Variants in SP140L observed in about 807,000 individuals in gnomAD.
SP140L encodes nuclear body protein SP140-like protein.
In SP140L, 64 loss-of-function variants were observed where a neutral mutation model predicts 84.3. The observed-to-expected ratio is 0.76, with a 90% CI of 0.62 to 0.94. SP140L has a LOEUF of 0.94. Ranked by LOEUF, SP140L falls within the 40% of genes least tolerant of loss-of-function variation. The pLI, the probability that SP140L is intolerant of heterozygous loss-of-function variation, is 0.00. For missense variants in SP140L, 628 were observed against 692.5 expected (o/e 0.91, Z 1.05); for synonymous variants, 242 against 236.9 (o/e 1.02, Z -0.20).
intron 2 of SP140L, among the ~76,000 whole-genome samples, chr2:230,335,378 T>G (rs890486936): frequency 6.6e-6 from 1 of 152,228 alleles, no homozygotes; most frequent in African/African-American, 2.4e-5. Context: ...CGTTTGGCCT[T>G]TATAATGTAC....
At chr2:230,349,461 G>C (rs1217572589) in intron 2 of SP140L, among the ~76,000 whole-genome samples, 1 of 152,102 alleles carries the variant, frequency 6.6e-6, no homozygotes, top group African/African-American at 2.4e-5. Context: ...GGAGAGAATT[G>C]CCAGGTTAAA....
At chr2:230,380,682 A>T (rs113202463) in intron 7 of SP140L, among the ~76,000 whole-genome samples, 1 of 152,146 alleles carries the variant, frequency 6.6e-6, no homozygotes, top group Admixed American at 6.5e-5. Flanking sequence ...TTGTTTTTCC[A>T]TGATAACTTA....
intron 2 of SP140L, among the ~76,000 whole-genome samples, chr2:230,335,999 T>C (rs1384160493): frequency 1.3e-5 from 2 of 152,198 alleles, no homozygotes; most frequent in African/African-American, 4.8e-5. Flanking sequence ...GAACCCAATA[T>C]GGCCAGGACT....
chr2:230,371,037 C>T (rs2061050543), intron 6 of SP140L, 70 bp downstream of exon 6: 1 of 1,337,410 alleles, frequency 7.5e-7, no homozygotes, highest in Non-Finnish European at 1.1e-6. Flanking sequence ...AGAGTGGAGG[C>T]AGGTGCTCCA....
intron 7 of SP140L, among the ~76,000 whole-genome samples, chr2:230,380,410 G>A (rs548539125): frequency 6.6e-6 from 1 of 152,240 alleles, no homozygotes; most frequent in East Asian, 1.9e-4. Flanking sequence ...ATAACTCATG[G>A]TCAAGTTTGA....
At position 230,374,893 on chromosome 2, in the gene SP140L, T is replaced by C. The variant is rs568272465; in HGVS notation, c.637+3242T>C. On this transcript the variant is annotated intron_variant, in intron 7 of 18. Transcript: ENST00000415673. ...CATATGCACTGGGAAACCAAAAAAATTGTGTCTTGCTTTATTGCAATATTC... is the reference window on the plus strand; with the variant it reads ...CATATGCACTGGGAAACCAAAAAAACTGTGTCTTGCTTTATTGCAATATTC... Among the ~76,000 whole-genome samples the C allele has an allele frequency of 2.2e-3, 338 of 152,294 alleles. 1 individual carries two copies. Among genetic ancestry groups the C allele is most frequent in the African/African-American group, 8.0e-3 (332 of 41,570 alleles).
Position 230,358,980 on chromosome 2 carries a change from G to A in SP140L, c.287G>A (p.Cys96Tyr). 3.2e-6 allele frequency: 5 copies of A among 1,585,390 alleles called. No homozygotes were observed. Among genetic ancestry groups the A allele is most frequent in the African/African-American group, 1.4e-5 (1 of 73,106 alleles). ...NKMFEDSEDS[C>Y]RNLVPVQRVV... ...TTTTTAAAGGATTCTGAAGATTCTT[G>A]TAGAAACCTGGTCCCTGTACAAAGA... Residue 96 changes from cysteine (C) to tyrosine (Y), a missense_variant, in exon 4 of 19, where the codon TGT (cysteine) becomes TAT (tyrosine). Transcript: ENST00000415673.
intron 10 of SP140L, among the ~76,000 whole-genome samples, chr2:230,389,321 G>A (rs1009037194): frequency 6.6e-6 from 1 of 152,012 alleles, no homozygotes; most frequent in Non-Finnish European, 1.5e-5. Flanking sequence ...GTAGTATCCG[G>A]TTCTCAGTTC....
intron 2 of SP140L, among the ~76,000 whole-genome samples, chr2:230,356,286 A>G (rs2060544557): frequency 6.6e-6 from 1 of 152,170 alleles, no homozygotes; most frequent in South Asian, 2.1e-4. Flanking sequence ...TTTTGCCACA[A>G]AAAGACTTGC....
chr2:230,398,944 C>T (rs2062183763), intron 14 of SP140L, among the ~76,000 whole-genome samples: 1 of 152,186 alleles, frequency 6.6e-6, no homozygotes, highest in South Asian at 2.1e-4. Context: ...GCAAGCGGTC[C>T]TCTTGATCAG....
At chr2:230,385,356 G>A in intron 9 of SP140L, 52 bp downstream of exon 9, 3 of 1,564,810 alleles carry the variant, frequency 1.9e-6, no homozygotes, top group East Asian at 2.2e-5. Context: ...CAATGCACAT[G>A]TTGAGGTTTT....
chr2:230,372,211 T>G (rs2061098766), intron 7 of SP140L: 4 of 154,438 alleles, frequency 2.6e-5, no homozygotes, highest in Admixed American at 2.6e-4. Context: ...CCACTAAATT[T>G]GTGGTAATTT....
In SP140L at chr2:230,348,883, G is replaced by T. The variant is rs148746096; in HGVS notation, c.108-8922G>T. Among the ~76,000 whole-genome samples, 676 of 152,360 alleles carry T rather than the reference G, an allele frequency of 4.4e-3. 4 individuals are homozygous for T. Among genetic ancestry groups the T allele is most frequent in the African/African-American group, 0.015 (622 of 41,592 alleles). ...ATTACTACATAATTTGGGGAACCCA[G>T]TGAAAAATAAAAATGGGGGATCCTT... On this transcript the variant is annotated intron_variant, in intron 2 of 18. Coordinates refer to ENST00000415673, the MANE Select transcript of SP140L (RefSeq NM_138402.6).
intron 9 of SP140L, among the ~76,000 whole-genome samples, chr2:230,387,254 C>T (rs186228179): frequency 6.6e-6 from 1 of 152,192 alleles, no homozygotes; most frequent in African/African-American, 2.4e-5. Flanking sequence ...CCTCCCTATA[C>T]AAGTTTATTA....
Position 230,328,822 on chromosome 2 carries a change from G to C in SP140L, c.98G>C (p.Ser33Thr). 6.2e-7 allele frequency: 1 copy of C among 1,607,824 alleles called. No homozygotes were observed. The highest frequency in any genetic ancestry group is 8.5e-7 in the Non-Finnish European group (1 of 1,176,586). Residue 33 changes from serine (S) to threonine (T), a missense_variant, in exon 2 of 19, where the codon AGT becomes ACT. Coordinates refer to ENST00000415673, the MANE Select transcript of SP140L (RefSeq NM_138402.6). ...EMNHLPAHSQ[S>T]LQRLFTEDQD... The stretch of plus-strand genomic sequence containing the variant: ...AACCATCTTCCTGCACACAGCCAAA[G>C]TCTGCAAAGGTGATGAAGAATTACA...
chr2:230,356,157 G>A (rs1224425093), intron 2 of SP140L, among the ~76,000 whole-genome samples: 1 of 152,082 alleles, frequency 6.6e-6, no homozygotes, highest in Non-Finnish European at 1.5e-5. Flanking sequence ...AAACTAGAAA[G>A]GCCATCACTG....
chr2:230,358,186 C>A (rs1022319965), intron 3 of SP140L, among the ~76,000 whole-genome samples: 4 of 152,212 alleles, frequency 2.6e-5, no homozygotes, highest in African/African-American at 9.6e-5. Flanking sequence ...CATAAATGTA[C>A]AATGTTTTGT....
intron 2 of SP140L, among the ~76,000 whole-genome samples, chr2:230,333,007 A>G (rs1175574062): frequency 1.3e-5 from 2 of 152,184 alleles, no homozygotes; most frequent in East Asian, 3.8e-4. Flanking sequence ...CATAGAAGGT[A>G]TATATCTTAA....
rs61737998 is a variant in SP140L at position 230,388,623 on chromosome 2, C to A, written c.849C>A (p.Val283=). The change falls in exon 10 of 19, where the codon GTC becomes GTA. Residue 283 remains valine (V), a synonymous_variant. Transcript: ENST00000415673. ...TQSDRAPQKR[V]RSRASRKHKD... is the part of the protein sequence containing the mutation. ...GTGACAGAGCTCCACAGAAAAGAGT[C>A]CGATCAAGAGGTAAAAAAGAAAAGA... 713 of 1,607,958 alleles carry A rather than the reference C, an allele frequency of 4.4e-4. 4 individuals carry two copies. The African/African-American group carries it at 8.6e-3, about 19-fold the overall frequency.
Sources: allele counts gnomAD v4.1 joint callset (sites outside exome capture counted in the v4.1 genomes callset), GRCh38; gene constraint gnomAD v4.1.1; transcripts MANE v1.5; gene names NCBI Gene and HGNC (gene_info 2026-07-23, HGNC 2026-07-21).